BCL2L14: variants seen among roughly 807,000 people sequenced by gnomAD.
BCL2L14 encodes the protein apoptosis facilitator Bcl-2-like protein 14.
BCL2L14 carries 27 observed loss-of-function variants against 35.3 expected under a neutral mutation model. The observed-to-expected ratio is 0.76, with a 90% CI of 0.56 to 1.05. The LOEUF (loss-of-function observed/expected upper bound fraction) is 1.05. Ranked by LOEUF, BCL2L14 falls within the 50% of genes least tolerant of loss-of-function variation. The pLI is 0.00. For synonymous variants in BCL2L14, 139 were observed against 145.9 expected, an observed-to-expected ratio of 0.95 and a Z score of 0.34; for missense variants, 377 against 382.6, an observed-to-expected ratio of 0.99 and a Z score of 0.12.
In BCL2L14 at chr12:12,063,282, A is replaced by T. The variant is rs554241773; in HGVS notation, c.-272+11435A>T. ...CTGCCACTCTTAACTCTTGAAGTAA[A>T]TAAATAATCTTTGCTGGCAGGACTA... On this transcript the variant is annotated intron_variant, in intron 2 of 3. Coordinates refer to the BCL2L14 transcript ENST00000461264. 9.4e-3 allele frequency among the ~76,000 whole-genome samples: 1,418 copies of T among 151,258 alleles called. 22 individuals are homozygous for T. Among genetic ancestry groups the T allele is most frequent in the Middle Eastern group, 0.014 (4 of 294 alleles).
At chr12:12,091,333 T>C (rs1949184286) in intron 4 of BCL2L14, among the ~76,000 whole-genome samples, 2 of 152,332 alleles carry the variant, frequency 1.3e-5, no homozygotes, top group Admixed American at 6.5e-5. Flanking sequence ...GGAGGTGCGC[T>C]AGTGTTACTG....
At chr12:12,088,844 G>A (rs1408570200) in intron 3 of BCL2L14, among the ~76,000 whole-genome samples, 2 of 152,090 alleles carry the variant, frequency 1.3e-5, no homozygotes, top group African/African-American at 2.4e-5. Flanking sequence ...AGGGGACCGT[G>A]TGAAGAGCTG....
chr12:12,087,791 T>G (rs989310304), intron 3 of BCL2L14, among the ~76,000 whole-genome samples: 1 of 152,088 alleles, frequency 6.6e-6, no homozygotes, highest in African/African-American at 2.4e-5. Flanking sequence ...TAGGGCTTTG[T>G]GAAAAAGCAG....
At chr12:12,079,193 T>A (rs1456218686) in intron 1 of BCL2L14, 106 bp from the exon 2 acceptor site, 3 of 952,252 alleles carry the variant, frequency 3.2e-6, no homozygotes, top group Non-Finnish European at 4.8e-6. Flanking sequence ...ACAAACACAA[T>A]AGATGTTCAA....
chr12:12,085,561 G>A (rs938776791), intron 2 of BCL2L14, among the ~76,000 whole-genome samples: 4 of 152,144 alleles, frequency 2.6e-5, no homozygotes, highest in Non-Finnish European at 4.4e-5. Flanking sequence ...TCCGTCATTC[G>A]CTTCTTATTG....
upstream of BCL2L14, among the ~76,000 whole-genome samples, chr12:12,067,586 G>A (rs1948609201): frequency 6.6e-6 from 1 of 152,118 alleles, no homozygotes; most frequent in Non-Finnish European, 1.5e-5. Flanking sequence ...TTTCCTTATA[G>A]AGAGGGGGAG....
intron 5 of BCL2L14, chr12:12,096,088 G>T: frequency 1.0e-6 from 1 of 985,152 alleles, no homozygotes; most frequent in Middle Eastern, 5.2e-4. Flanking sequence ...AGCCTCTCCT[G>T]ACCCTTCCAG....
At chr12:12,050,240 C>A (rs1000054810) in intron 1 of BCL2L14, among the ~76,000 whole-genome samples, 1 of 151,968 alleles carries the variant, frequency 6.6e-6, no homozygotes, top group Non-Finnish European at 1.5e-5. Context: ...ACGACTAATG[C>A]CCTGGCATGC....
At chr12:12,060,174 G>A (rs1358789351) in intron 2 of BCL2L14, among the ~76,000 whole-genome samples, 5 of 151,128 alleles carry the variant, frequency 3.3e-5, no homozygotes, top group Middle Eastern at 3.2e-3. Context: ...CACCCGGTCC[G>A]GCTTACAGTT....
chr12:12,061,939 G>C (rs2961549), intron 2 of BCL2L14, among the ~76,000 whole-genome samples: 140,882 of 152,258 alleles, frequency 0.93, 65,267 homozygotes, highest in East Asian at 1. Context: ...AGTGCAGTCC[G>C]AATTCTTACA....
At chr12:12,078,057 C>T (rs904702173) in intron 1 of BCL2L14, 19 of 376,012 alleles carry the variant, frequency 5.1e-5, no homozygotes, top group South Asian at 3.2e-4. Context: ...AGAAGAAATG[C>T]TTGCATCCTG....
At chr12:12,060,208 C>G (rs1026593050) in intron 2 of BCL2L14, among the ~76,000 whole-genome samples, 9 of 151,464 alleles carry the variant, frequency 5.9e-5, no homozygotes, top group African/African-American at 2.2e-4. Context: ...AGCCCTCCCC[C>G]TCCTGCCCAG....
At chr12:12,069,543 C>CAA (rs374176155), upstream of BCL2L14, among the ~76,000 whole-genome samples, 8,834 of 133,130 alleles carry the variant, frequency 0.066, 356 homozygotes, top group Middle Eastern at 0.11. Context: ...ACTAAAAATA[C>CAA]AAAAAAAAAA....
intron 2 of BCL2L14, among the ~76,000 whole-genome samples, chr12:12,057,390 T>C (rs374285256): frequency 4.0e-4 from 61 of 152,302 alleles, no homozygotes; most frequent in African/African-American, 1.4e-3. Context: ...TATCCAGTAA[T>C]CTCTTTGCCC....
chr12:12,095,870 C>T (rs1949303215), intron 5 of BCL2L14: 2 of 985,292 alleles, frequency 2.0e-6, no homozygotes, highest in South Asian at 4.7e-5. Context: ...ACATTGAGTT[C>T]CTTTCTATTT....
chr12:12,057,768 A>AAAAAAAAAAG (rs1948454263), intron 2 of BCL2L14, among the ~76,000 whole-genome samples: 1 of 151,206 alleles, frequency 6.6e-6, no homozygotes, highest in Non-Finnish European at 1.5e-5. Context: ...AAAAAAAAAA[A>AAAAAAAAAAG]AAGAAGTGAA....
intron 2 of BCL2L14, among the ~76,000 whole-genome samples, chr12:12,060,274 T>C (rs1203231361): frequency 6.7e-6 from 1 of 149,058 alleles, no homozygotes; most frequent in Non-Finnish European, 1.5e-5. Flanking sequence ...CTCCTTTTTC[T>C]TTATCCCAAA....
chr12:12,053,646 C>T (rs1233738155), intron 2 of BCL2L14, among the ~76,000 whole-genome samples: 1 of 152,200 alleles, frequency 6.6e-6, no homozygotes, highest in Non-Finnish European at 1.5e-5. Flanking sequence ...TCTCGAACTT[C>T]CAACCTCAGG....
Position 12,099,636 on chromosome 12 carries a change from T to C in BCL2L14, c.*648T>C, listed in dbSNP as rs1949385910. 6.6e-6 allele frequency: 1 copy of C among 152,236 alleles called. No individual in the cohort carries two copies. Among genetic ancestry groups the C allele is most frequent in the Non-Finnish European group, 1.5e-5 (1 of 68,074 alleles). 9.4% of individuals were successfully genotyped at this position (152,236 alleles called of 1,614,324 possible). On this transcript the variant is annotated 3_prime_UTR_variant, in exon 6 of 6. Coordinates refer to ENST00000308721, the MANE Select transcript of BCL2L14 (RefSeq NM_138723.2). Reference sequence around the variant, plus strand: ...AGGTCCCTGGGACTTCCTCATTCTTTGTGGTAGTACAATGATTGGTAGCAG... The same window carrying C: ...AGGTCCCTGGGACTTCCTCATTCTTCGTGGTAGTACAATGATTGGTAGCAG...
Sources: gnomAD v4.1 joint callset for allele counts (sites outside exome capture counted in the v4.1 genomes callset) on GRCh38, gnomAD v4.1.1 for gene constraint, MANE v1.5 for transcripts, NCBI Gene and HGNC (gene_info 2026-07-23, HGNC 2026-07-21) for gene names.